The following VPS35L variants were observed in gnomAD, a reference collection of about 807,000 sequenced individuals.
The protein encoded by VPS35L is VPS35 endosomal protein sorting factor like.
VPS35L carries 83 observed loss-of-function variants against 133.0 expected under a neutral mutation model. That is an observed-to-expected ratio of 0.62 (90% CI 0.52 to 0.75). The LOEUF is 0.75. Among genes scored for constraint, VPS35L ranks in the 30% least tolerant of loss-of-function variants. The pLI is 0.00. For synonymous variants in VPS35L, 423 were observed against 449.9 expected (o/e 0.94, Z 0.76); for missense variants, 1,083 against 1,206.8 (o/e 0.90, Z 1.52).
rs1974144178 is a variant in VPS35L, at chr16:19,652,005, C to A, written c.2136C>A (p.Ile712=). The A allele has an allele frequency of 6.2e-7, 1 of 1,613,316 alleles. No homozygotes were observed. Among genetic ancestry groups the A allele is most frequent in the African/African-American group, 1.3e-5 (1 of 74,932 alleles). ...RACVAYCFIT[I]PSLAGIFTRL... ...GTGTTGCCTACTGCTTCATCACCAT[C>A]CCCTCCCTGGCGGGCATCTTCACAC... The change falls in exon 26 of 31, where the codon ATC becomes ATA. Residue 712 remains isoleucine, a synonymous_variant. Transcript: ENST00000417362.
chr16:19,564,943 C>G lies in VPS35L; in HGVS notation c.110C>G (p.Pro37Arg). 1.2e-6 allele frequency: 2 copies of G among 1,604,536 alleles called. No individual in the cohort carries two copies. Among genetic ancestry groups the G allele is most frequent in the Non-Finnish European group, 1.7e-6 (2 of 1,171,606 alleles). The change falls in exon 2 of 31, where the codon CCC (proline) becomes CGC (arginine). Residue 37 changes from proline to arginine, a missense_variant. Physicochemically the swap from Pro to Arg is moderately radical, Grantham distance 103. Transcript: ENST00000417362. ...LEFGDYHPLK[P>R]ITVTESKTKK... ...TTTGGGGACTATCACCCTCTGAAAC[C>G]CATAACTGTAAGTTTTGTTAAGGGT...
Position 19,669,255 on chromosome 16 carries a change from C to T in VPS35L, c.2317C>T (p.Leu773=). ...GKMRPSESFL[L]EFLCNFFSTL... The stretch of plus-strand genomic sequence containing the variant: ...GATGCGGCCATCGGAATCGTTCCTT[C>T]TGGAATTCCTCTGCAATTTCTTTTC... Residue 773 remains leucine, a synonymous_variant, in exon 27 of 31, where the codon CTG becomes TTG. Coordinates refer to ENST00000417362, the MANE Select transcript of VPS35L (RefSeq NM_020314.7). 1 of 1,613,284 alleles carries T rather than the reference C, an allele frequency of 6.2e-7. No individual in the cohort carries two copies. Among genetic ancestry groups the T allele is most frequent in the East Asian group, 2.2e-5 (1 of 44,852 alleles).
At chr16:19,669,388 A>C in intron 27 of VPS35L, 89 bp downstream of exon 27, 1 of 1,408,488 alleles carries the variant, frequency 7.1e-7, no homozygotes, top group Non-Finnish European at 9.5e-7. Flanking sequence ...AACTGCAGGA[A>C]CATTCTATCT....
intron 7 of VPS35L, among the ~76,000 whole-genome samples, chr16:19,583,228 C>G (rs546873827): frequency 6.6e-6 from 1 of 152,022 alleles, no homozygotes; most frequent in Non-Finnish European, 1.5e-5. Flanking sequence ...CAGATTCCCC[C>G]GAGCCTGTCT....
At chr16:19,662,342 TAAAA>T (rs111626049) in intron 26 of VPS35L, among the ~76,000 whole-genome samples, 1 of 147,788 alleles carries the variant, frequency 6.8e-6, no homozygotes, top group Non-Finnish European at 1.5e-5. Context: ...CCATCTCTAC[TAAAA>T]AAAAAAATAC....
intron 23 of VPS35L, among the ~76,000 whole-genome samples, chr16:19,647,307 C>T (rs558589607): frequency 6.6e-6 from 1 of 152,340 alleles, no homozygotes; most frequent in Admixed American, 6.5e-5. Flanking sequence ...TGTTAAACCT[C>T]ATCTGGACAA....
chr16:19,632,678 T>C (rs960171533), intron 18 of VPS35L, among the ~76,000 whole-genome samples: 6 of 152,262 alleles, frequency 3.9e-5, no homozygotes, highest in Admixed American at 3.3e-4. Flanking sequence ...TGACTCCTGC[T>C]ATAGGTGACA....
At chr16:19,594,311 C>T (rs1972133336) in intron 8 of VPS35L, among the ~76,000 whole-genome samples, 1 of 152,156 alleles carries the variant, frequency 6.6e-6, no homozygotes, top group Admixed American at 6.6e-5. Flanking sequence ...AGGCTCTCTG[C>T]AGGCCACTAG....
chr16:19,688,596 C>A (rs1437888098), intron 28 of VPS35L, among the ~76,000 whole-genome samples: 1 of 152,152 alleles, frequency 6.6e-6, no homozygotes, highest in East Asian at 1.9e-4. Flanking sequence ...CGAGTGCCGC[C>A]GCCGCACCGT....
chr16:19,634,394 C>T (rs1184611537), intron 19 of VPS35L, among the ~76,000 whole-genome samples: 2 of 144,532 alleles, frequency 1.4e-5, no homozygotes, highest in Non-Finnish European at 3.0e-5. Context: ...CCCTCCAGCC[C>T]GGGTGAGAGA....
chr16:19,640,505 G>A (rs1001416883), intron 21 of VPS35L, among the ~76,000 whole-genome samples: 1 of 152,162 alleles, frequency 6.6e-6, no homozygotes, highest in Non-Finnish European at 1.5e-5. Context: ...CATTTTTAAG[G>A]ATACAAATCA....
At chr16:19,690,252 A>G (rs534783241) in intron 28 of VPS35L, among the ~76,000 whole-genome samples, 37 of 152,304 alleles carry the variant, frequency 2.4e-4, no homozygotes, top group Admixed American at 8.5e-4. Flanking sequence ...AAAGCAGCAC[A>G]GAGTGTGGTG....
At chr16:19,585,823 C>G (rs1971846543) in intron 7 of VPS35L, among the ~76,000 whole-genome samples, 1 of 152,094 alleles carries the variant, frequency 6.6e-6, no homozygotes, top group African/African-American at 2.4e-5. Context: ...GCTTATTGGC[C>G]ATTTGTATAT....
At chr16:19,580,565 G>C (rs148651205) in intron 6 of VPS35L, among the ~76,000 whole-genome samples, 4 of 152,148 alleles carry the variant, frequency 2.6e-5, no homozygotes, top group Admixed American at 1.3e-4. Flanking sequence ...GGGTTAAGGA[G>C]CATTTACTGT....
At chr16:19,695,360 A>G (rs1048881137) in intron 29 of VPS35L, among the ~76,000 whole-genome samples, 5 of 152,266 alleles carry the variant, frequency 3.3e-5, no homozygotes, top group Admixed American at 6.5e-5. Context: ...GGAGCTATTT[A>G]TATTTAACAT....
chr16:19,589,134 C>T (rs1056717082), intron 7 of VPS35L, among the ~76,000 whole-genome samples: 2 of 152,068 alleles, frequency 1.3e-5, no homozygotes, highest in South Asian at 2.1e-4. Flanking sequence ...CTGTGTTTTT[C>T]GTACTGAGTT....
chr16:19,560,889 T>C (rs1325125136), intron 1 of VPS35L, among the ~76,000 whole-genome samples: 1 of 152,020 alleles, frequency 6.6e-6, no homozygotes, highest in Admixed American at 6.6e-5. Flanking sequence ...ATTTATCCTT[T>C]GTGTTTTTTT....
chr16:19,623,766 TTTATTATTATTATTATTATTATTATTA>T (rs199933640), intron 14 of VPS35L, among the ~76,000 whole-genome samples: 1 of 126,852 alleles, frequency 7.9e-6, no homozygotes, highest in East Asian at 2.2e-4. Context: ...TACTTATTTA[TTTATTATTATTATTATTATTATTATTA>T]TTATTATTAT....
At chr16:19,619,122 A>G (rs1453644808) in intron 14 of VPS35L, among the ~76,000 whole-genome samples, 1 of 151,442 alleles carries the variant, frequency 6.6e-6, no homozygotes, top group Non-Finnish European at 1.5e-5. Flanking sequence ...GTAGAGATGC[A>G]GTTTCACCTT....
Sources: gnomAD v4.1 joint callset for allele counts (sites outside exome capture counted in the v4.1 genomes callset) on GRCh38, gnomAD v4.1.1 for gene constraint, MANE v1.5 for transcripts, NCBI Gene and HGNC (gene_info 2026-07-23, HGNC 2026-07-21) for gene names.